Variants in GLI2 observed in about 807,000 individuals in gnomAD.
The protein encoded by GLI2 is transcription activator GLI2.
A neutral mutation model predicts 78.9 loss-of-function variants in GLI2; 22 were observed. That is an observed-to-expected ratio of 0.28 (90% CI 0.20 to 0.40). GLI2 has a LOEUF of 0.40. Ranked by LOEUF, GLI2 falls within the 10% of genes least tolerant of loss-of-function variation. GLI2 has a pLI of 1.00. For synonymous variants in GLI2, 974 were observed against 963.7 expected (o/e 1.01, Z -0.20); for missense variants, 2,097 against 2,213.2 (o/e 0.95, Z 1.05).
chr2:120,758,454 C>A (rs1437383691), intron 1 of GLI2, among the ~76,000 whole-genome samples: 1 of 152,202 alleles, frequency 6.6e-6, no homozygotes, highest in Non-Finnish European at 1.5e-5. Flanking sequence ...CCTGACCGGG[C>A]CTCTCAGACC....
chr2:120,749,857 C>T (rs1028621947), intron 1 of GLI2, among the ~76,000 whole-genome samples: 11 of 152,208 alleles, frequency 7.2e-5, no homozygotes, highest in African/African-American at 2.7e-4. Context: ...GCCGCATCAG[C>T]CCCCACCACT....
rs565227061 is a variant in GLI2 at position 120,823,829 on chromosome 2, G to A, written c.148+26361G>A. ...GATTCCGATAGGCCTAGGCGAAGGC[G>A]CAGTACCATGCAGGCCAAGGGAGGG... On this transcript the variant is annotated intron_variant, in intron 2 of 13. Coordinates refer to ENST00000361492, the MANE Select transcript of GLI2 (RefSeq NM_001374353.1). Among the ~76,000 whole-genome samples, 16 of 152,306 alleles carry A rather than the reference G, an allele frequency of 1.1e-4. No individual in the cohort carries two copies. In the East Asian group the frequency reaches 1.9e-3, roughly 18 times the overall value.
At position 120,968,855 on chromosome 2, in the gene GLI2, A is replaced by G. The variant is rs779340470; in HGVS notation, c.785A>G (p.Asn262Ser). 55 of 1,613,418 alleles carry G rather than the reference A, an allele frequency of 3.4e-5. No individual in the cohort carries two copies. Among genetic ancestry groups the G allele is most frequent in the African/African-American group, 5.3e-5 (4 of 74,846 alleles). ...AACTCGCTAGTGGCCTACATCAACAACTCCCGAAGCAGCTCGGCGGCCAGC... is the reference window on the plus strand; with the variant it reads ...AACTCGCTAGTGGCCTACATCAACAGCTCCCGAAGCAGCTCGGCGGCCAGC... ...SPNSLVAYIN[N>S]SRSSSAASGS... The change falls in exon 6 of 14, where the codon AAC becomes AGC. Residue 262 changes from asparagine (N) to serine (S), a missense_variant. By Grantham distance (46) the Asn-to-Ser change is conservative (BLOSUM62 1). Around this residue, in one of 5 missense-constraint regions of GLI2, gnomAD observed 578 missense variants for 612.0 expected, o/e 0.94. Coordinates refer to ENST00000361492, the MANE Select transcript of GLI2 (RefSeq NM_001374353.1).
At chr2:120,973,647 G>A (rs1394613092) in intron 8 of GLI2, among the ~76,000 whole-genome samples, 5 of 152,164 alleles carry the variant, frequency 3.3e-5, no homozygotes, top group East Asian at 1.9e-4. Context: ...GCCCCCAGAC[G>A]ATCCCATTGC....
chr2:120,846,550 C>T (rs984470910), intron 2 of GLI2, among the ~76,000 whole-genome samples: 2 of 152,178 alleles, frequency 1.3e-5, no homozygotes, highest in African/African-American at 2.4e-5. Flanking sequence ...GGCACCTCTC[C>T]GGGCTGTTTT....
At chr2:120,973,306 G>A (rs998941885) in intron 8 of GLI2, among the ~76,000 whole-genome samples, 9 of 152,164 alleles carry the variant, frequency 5.9e-5, no homozygotes, top group Non-Finnish European at 1.2e-4. Context: ...AGATAAACAC[G>A]CCAGAAAGGC....
intron 2 of GLI2, among the ~76,000 whole-genome samples, chr2:120,822,385 C>T (rs779567345): frequency 3.9e-5 from 6 of 152,272 alleles, no homozygotes; most frequent in Admixed American, 1.3e-4. Context: ...GGAAACAGCC[C>T]GATGGGCCCT....
chr2:120,825,085 C>G (rs1055962376), intron 2 of GLI2, among the ~76,000 whole-genome samples: 6 of 152,186 alleles, frequency 3.9e-5, no homozygotes, highest in African/African-American at 1.4e-4. Context: ...GTCCCCTTCC[C>G]AAAGTGCTGG....
intron 2 of GLI2, among the ~76,000 whole-genome samples, chr2:120,806,665 T>C: frequency 6.6e-6 from 1 of 152,176 alleles, no homozygotes; most frequent in South Asian, 2.1e-4. Context: ...CCTGTTGCCC[T>C]GCGGGGAGGC....
Position 120,771,719 on chromosome 2 carries a change from A to G in GLI2, c.-30-25572A>G, listed in dbSNP as rs116164789. On this transcript the variant is annotated intron_variant, in intron 1 of 13. Coordinates refer to ENST00000361492, the MANE Select transcript of GLI2 (RefSeq NM_001374353.1). ...AGACCTTGTGGCCACAGGGTCTGTG[A>G]CTAGCAGCATTCAGATGCTCAGCCA... Among the ~76,000 whole-genome samples the G allele has an allele frequency of 4.8e-3, 729 of 152,276 alleles. 1 individual carries two copies. The highest frequency in any genetic ancestry group is 8.9e-3 in the Non-Finnish European group (603 of 68,012).
intron 3 of GLI2, among the ~76,000 whole-genome samples, chr2:120,935,148 G>T (rs1028456821): frequency 6.6e-6 from 1 of 152,222 alleles, no homozygotes; most frequent in Non-Finnish European, 1.5e-5. Flanking sequence ...CCTAGAGGAA[G>T]GAGGAGACTT....
Position 120,905,412 on chromosome 2 carries a change from G to A in GLI2, c.149-21949G>A, listed in dbSNP as rs193235080. Among the ~76,000 whole-genome samples, 551 of 152,314 alleles carry A rather than the reference G, an allele frequency of 3.6e-3. 3 individuals are homozygous for A. Among genetic ancestry groups the A allele is most frequent in the Non-Finnish European group, 5.8e-3 (395 of 68,022 alleles). The stretch of plus-strand genomic sequence containing the variant: ...AGCGTGCCGACTTCCAGCCAGCCAG[G>A]GAGTGAGGTTATGGGTATGTGATCC... On this transcript the variant is annotated intron_variant, in intron 2 of 13. Transcript: ENST00000361492.
At chr2:120,854,379 G>C (rs2310898) in intron 2 of GLI2, among the ~76,000 whole-genome samples, 1 of 152,030 alleles carries the variant, frequency 6.6e-6, no homozygotes, top group Admixed American at 6.5e-5. Flanking sequence ...AGTTCCAGCC[G>C]CGCATAGCCT....
chr2:120,989,478 G>C lies in GLI2; in HGVS notation c.3513G>C (p.Pro1171=). Residue 1171 remains proline, a synonymous_variant, in exon 14 of 14, where the codon CCG becomes CCC. Coordinates refer to ENST00000361492, the MANE Select transcript of GLI2 (RefSeq NM_001374353.1). ...PAFGQYPGYS[P]QGLQASPGGL... ...TTGGCCAGTACCCGGGCTACAGTCC[G>C]CAAGGCCTACAGGCTAGCCCTGGGG... 2 of 1,612,962 alleles carry C rather than the reference G, an allele frequency of 1.2e-6. No individual in the cohort carries two copies. Among genetic ancestry groups the C allele is most frequent in the South Asian group, 1.1e-5 (1 of 91,052 alleles).
At chr2:120,822,080 T>A (rs1685805850) in intron 2 of GLI2, among the ~76,000 whole-genome samples, 1 of 152,232 alleles carries the variant, frequency 6.6e-6, no homozygotes, top group Non-Finnish European at 1.5e-5. Flanking sequence ...ATGTTCCTGC[T>A]ATGCCAGTGA....
intron 2 of GLI2, among the ~76,000 whole-genome samples, chr2:120,894,802 G>A (rs996929087): frequency 6.6e-5 from 10 of 152,020 alleles, no homozygotes; most frequent in Non-Finnish European, 1.3e-4. Context: ...GGTTTCAAGC[G>A]ATTCTCCTGC....
rs1433952961 is a variant in GLI2 at position 120,988,601 on chromosome 2, C to T, written c.2636C>T (p.Ala879Val). The T allele has an allele frequency of 2.7e-6, 4 of 1,481,288 alleles. No individual in the cohort carries two copies. The highest frequency in any genetic ancestry group is 5.8e-5 in the East Asian group (2 of 34,242). 91.8% of individuals were successfully genotyped at this position (1,481,288 alleles called of 1,614,324 possible). A position where few individuals can be genotyped will look rare whatever the true frequency, so the allele number is the denominator to read the frequency against. Residue 879 changes from alanine (A) to valine (V), a missense_variant, in exon 14 of 14, where the codon GCC becomes GTC. Coordinates refer to ENST00000361492, the MANE Select transcript of GLI2 (RefSeq NM_001374353.1). ...QYSLRAKYAA[A>V]TGGPPPTPLP... Reference sequence around the variant, plus strand: ...AGCCTGCGGGCCAAGTACGCGGCAGCCACTGGCGGCCCCCCGCCCACTCCG... The same window carrying T: ...AGCCTGCGGGCCAAGTACGCGGCAGTCACTGGCGGCCCCCCGCCCACTCCG...
Position 120,990,571 on chromosome 2 carries a change from C to T in GLI2, c.4606C>T (p.Leu1536=), listed in dbSNP as rs977843932. The change falls in exon 14 of 14, where the codon CTG becomes TTG. Residue 1536 remains leucine, a synonymous_variant. Coordinates refer to ENST00000361492, the MANE Select transcript of GLI2 (RefSeq NM_001374353.1). ...RLTTPRNSLT[L]PSIPAGISNM... ...CACCACCCCCCGAAACTCCTTGACC[C>T]TGCCCTCCATCCCCGCAGGCATCAG... The T allele has an allele frequency of 3.7e-6, 6 of 1,614,118 alleles. No homozygotes were observed. The highest frequency in any genetic ancestry group is 5.1e-6 in the Non-Finnish European group (6 of 1,180,012).
intron 2 of GLI2, among the ~76,000 whole-genome samples, chr2:120,896,327 G>A (rs1351551044): frequency 6.6e-6 from 1 of 152,160 alleles, no homozygotes; most frequent in African/African-American, 2.4e-5. Context: ...GTAGGCGAGG[G>A]CCATGACCCC....
Sources: gnomAD v4.1 joint callset for allele counts (sites outside exome capture counted in the v4.1 genomes callset) on GRCh38, gnomAD v4.1.1 for gene constraint, gnomAD v4.1.1 regional missense constraint, MANE v1.5 for transcripts, NCBI Gene and HGNC (gene_info 2026-07-23, HGNC 2026-07-21) for gene names.